The following ROBO2 variants were observed in gnomAD, a reference collection of about 807,000 sequenced individuals.
ROBO2 encodes the protein roundabout guidance receptor 2.
ROBO2 carries 53 observed loss-of-function variants against 160.8 expected under a neutral mutation model. That is an observed-to-expected ratio of 0.33 (90% CI 0.26 to 0.41). The LOEUF (loss-of-function observed/expected upper bound fraction) is 0.41, where lower values mean the gene tolerates loss of function less well. Ranked by LOEUF, ROBO2 falls within the 10% of genes least tolerant of loss-of-function variation. The pLI, the probability that ROBO2 is intolerant of heterozygous loss-of-function variation, is 1.00. For missense variants in ROBO2, 1,577 were observed against 1,722.4 expected (o/e 0.92, Z 1.49); for synonymous variants, 664 against 611.7 (o/e 1.09, Z -1.26).
intron 2 of ROBO2, among the ~76,000 whole-genome samples, chr3:76,292,840 G>A (rs1708871393): frequency 6.6e-6 from 1 of 152,072 alleles, no homozygotes; most frequent in Non-Finnish European, 1.5e-5. Flanking sequence ...TTATCTGAGT[G>A]CAGTGTAATT....
chr3:76,258,860 C>T (rs1034873755), intron 2 of ROBO2, among the ~76,000 whole-genome samples: 3 of 151,940 alleles, frequency 2.0e-5, no homozygotes, highest in Non-Finnish European at 4.4e-5. Context: ...AGATGTTTGA[C>T]TGTAATTGAG....
intron 1 of ROBO2, among the ~76,000 whole-genome samples, chr3:75,911,741 A>G (rs1250993963): frequency 6.6e-6 from 1 of 151,282 alleles, no homozygotes; most frequent in Non-Finnish European, 1.5e-5. Context: ...TATTTTTAGT[A>G]GAGACGGGGT....
intron 2 of ROBO2, among the ~76,000 whole-genome samples, chr3:77,240,474 C>T (rs1300952073): frequency 6.6e-6 from 1 of 152,186 alleles, no homozygotes; most frequent in Admixed American, 6.5e-5. Flanking sequence ...TCCCTCCACA[C>T]CTCCCTGCAA....
intron 2 of ROBO2, among the ~76,000 whole-genome samples, chr3:77,241,255 C>T (rs913416231): frequency 6.6e-6 from 1 of 152,154 alleles, no homozygotes; most frequent in Non-Finnish European, 1.5e-5. Flanking sequence ...AGGAATTATT[C>T]AAATAGTTCT....
At chr3:76,511,387 C>T (rs981613777) in intron 2 of ROBO2, among the ~76,000 whole-genome samples, 1 of 152,156 alleles carries the variant, frequency 6.6e-6, no homozygotes, top group African/African-American at 2.4e-5. Context: ...CTCACCGCAG[C>T]GACTGGATGA....
intron 2 of ROBO2, among the ~76,000 whole-genome samples, chr3:77,418,806 G>GA (rs1463834072): frequency 6.6e-6 from 1 of 152,108 alleles, no homozygotes; most frequent in African/African-American, 2.4e-5. Flanking sequence ...GGAGCACCTA[G>GA]AAAAAATTGT....
At chr3:76,983,985 C>T (rs1420091090) in intron 2 of ROBO2, among the ~76,000 whole-genome samples, 1 of 152,186 alleles carries the variant, frequency 6.6e-6, no homozygotes, top group African/African-American at 2.4e-5. Context: ...AAAGGAGACG[C>T]AGGCACCTTG....
intron 2 of ROBO2, among the ~76,000 whole-genome samples, chr3:77,018,032 A>G (rs1242528544): frequency 6.6e-6 from 1 of 152,088 alleles, no homozygotes; most frequent in Non-Finnish European, 1.5e-5. Context: ...GCCTGCATAT[A>G]AAAAAGCTTA....
At chr3:76,583,493 T>C (rs927436860) in intron 2 of ROBO2, among the ~76,000 whole-genome samples, 1 of 152,230 alleles carries the variant, frequency 6.6e-6, no homozygotes, top group African/African-American at 2.4e-5. Flanking sequence ...GGTGTTAAAC[T>C]ACCTGACTTC....
chr3:76,670,414 G>T (rs557377340), intron 2 of ROBO2, among the ~76,000 whole-genome samples: 1 of 151,564 alleles, frequency 6.6e-6, no homozygotes, highest in Admixed American at 6.6e-5. Context: ...TCATCCCATG[G>T]GTTTGTAAAG....
chr3:77,617,757 A>G (rs761989557), exon 22 of ROBO2: 21 of 1,613,110 alleles, frequency 1.3e-5, no homozygotes, highest in Non-Finnish European at 1.2e-5. Context: ...TCAGTTTGAT[A>G]TAGCAAAACA....
chr3:76,607,878 C>T (rs1234946469), intron 2 of ROBO2, among the ~76,000 whole-genome samples: 1 of 152,198 alleles, frequency 6.6e-6, no homozygotes, highest in Non-Finnish European at 1.5e-5. Flanking sequence ...TCTTCCCACC[C>T]ACACTGTATA....
At chr3:77,404,077 T>C (rs2076057078) in intron 2 of ROBO2, among the ~76,000 whole-genome samples, 1 of 152,202 alleles carries the variant, frequency 6.6e-6, no homozygotes, top group African/African-American at 2.4e-5. Context: ...TAATAATTCC[T>C]CATAACACTG....
At chr3:76,542,478 A>T (rs572335771) in intron 2 of ROBO2, among the ~76,000 whole-genome samples, 33 of 152,084 alleles carry the variant, frequency 2.2e-4, no homozygotes, top group Admixed American at 3.9e-4. Context: ...TGGTCATAGG[A>T]AAGTTGTATC....
chr3:76,840,082 G>T (rs1182816410), intron 2 of ROBO2, among the ~76,000 whole-genome samples: 2 of 151,096 alleles, frequency 1.3e-5, no homozygotes, highest in South Asian at 2.1e-4. Context: ...TCTGCCTAAA[G>T]GTTTGTCAAT....
intron 2 of ROBO2, among the ~76,000 whole-genome samples, chr3:77,213,313 G>A (rs528527164): frequency 2.1e-4 from 32 of 152,218 alleles, no homozygotes; most frequent in African/African-American, 6.3e-4. Flanking sequence ...TTGGGAGGGC[G>A]TATGTGTCCA....
intron 2 of ROBO2, among the ~76,000 whole-genome samples, chr3:76,733,801 G>A (rs958421157): frequency 6.6e-6 from 1 of 152,026 alleles, no homozygotes; most frequent in African/African-American, 2.4e-5. Context: ...AAACAATTAC[G>A]AATGGCTGGA....
chr3:77,330,224 A>G (rs2065843018), intron 2 of ROBO2, among the ~76,000 whole-genome samples: 1 of 152,164 alleles, frequency 6.6e-6, no homozygotes, highest in African/African-American at 2.4e-5. Context: ...TAAAGATTTT[A>G]TTTATACTTG....
intron 6 of ROBO2, among the ~76,000 whole-genome samples, chr3:77,536,419 T>G (rs1207649383): frequency 6.6e-6 from 1 of 152,056 alleles, no homozygotes; most frequent in Non-Finnish European, 1.5e-5. Flanking sequence ...TCTCCTTCTT[T>G]TCTTCTCCCT....
Sources: gnomAD v4.1 joint callset for allele counts (sites outside exome capture counted in the v4.1 genomes callset) on GRCh38, gnomAD v4.1.1 for gene constraint, MANE v1.5 for transcripts, NCBI Gene and HGNC (gene_info 2026-07-23, HGNC 2026-07-21) for gene names.